The following SLC6A5 variants were observed in gnomAD, a reference collection of about 807,000 sequenced individuals.
The protein encoded by SLC6A5 is solute carrier family 6 member 5.
SLC6A5 carries 58 observed loss-of-function variants against 90.5 expected under a neutral mutation model. The ratio of observed to expected loss-of-function variants is 0.64; its 90% CI spans 0.52 to 0.80. The LOEUF (loss-of-function observed/expected upper bound fraction) is 0.80. Among genes scored for constraint, SLC6A5 ranks in the 30% least tolerant of loss-of-function variants. SLC6A5 has a pLI of 0.00. For synonymous variants in SLC6A5, 427 were observed against 401.4 expected, an observed-to-expected ratio of 1.06 and a Z score of -0.76; for missense variants, 1,015 against 1,017.6, an observed-to-expected ratio of 1.00 and a Z score of 0.03.
At position 20,607,560 on chromosome 11, in the gene SLC6A5, T is replaced by A; in HGVS notation, c.893T>A (p.Leu298Gln). 1.2e-6 allele frequency: 2 copies of A among 1,614,092 alleles called. No individual in the cohort carries two copies. The highest frequency in any genetic ancestry group is 2.2e-5 in the South Asian group (2 of 91,080). Residue 298 changes from leucine (L) to glutamine (Q), a missense_variant, in exon 5 of 16, where the codon CTG becomes CAG. By Grantham distance (113) the Leu-to-Gln change is moderately radical. This residue lies in a region of SLC6A5 where 567 missense variants were observed against 507.3 expected (regional missense o/e 1.12). Coordinates refer to ENST00000525748, the MANE Select transcript of SLC6A5 (RefSeq NM_004211.5). ...NVIICYTLFY[L>Q]FASFVSVLPW... ...ATTATTTGCTATACACTTTTCTACC[T>A]GTTTGCCTCCTTTGTGTCTGTACTA... is the stretch of plus-strand genomic sequence containing the variant.
rs373369824 is a variant in SLC6A5 at position 20,630,751 on chromosome 11, C to T, written c.1560C>T (p.Ile520=). The T allele has an allele frequency of 1.2e-6, 2 of 1,614,240 alleles. No individual in the cohort carries two copies. Residue 520 remains isoleucine (I), a synonymous_variant, in exon 10 of 16, where the codon ATC becomes ATT. Coordinates refer to ENST00000525748, the MANE Select transcript of SLC6A5 (RefSeq NM_004211.5). ...CAAGCATCTTTGCCGGCTTCGTCAT[C>T]TTCTCCGTTATCGGCTTCATGGCCA... ...SATSIFAGFV[I]FSVIGFMANE... is the part of the protein sequence containing the mutation.
intron 5 of SLC6A5, among the ~76,000 whole-genome samples, chr11:20,613,652 CTTT>C (rs3045403): frequency 0.17 from 22,031 of 126,058 alleles, 2,214 homozygotes; most frequent in East Asian, 0.38. Context: ...CTAAATAATT[CTTT>C]TTTTTTTTTT....
intron 10 of SLC6A5, among the ~76,000 whole-genome samples, chr11:20,633,720 C>G (rs891011363): frequency 6.6e-6 from 1 of 152,134 alleles, no homozygotes; most frequent in Admixed American, 6.5e-5. Flanking sequence ...TGTTCTAAGC[C>G]TTTTACTTGT....
At chr11:20,626,597 G>C in intron 7 of SLC6A5, 111 bp from the exon 8 acceptor site, 1 of 1,211,828 alleles carries the variant, frequency 8.3e-7, no homozygotes, top group Non-Finnish European at 1.2e-6. Flanking sequence ...CAACTACCCT[G>C]ATGTGCTCTC....
chr11:20,615,516 T>C lies in SLC6A5; in HGVS notation c.1127+696T>C, dbSNP rs534737137. Among the ~76,000 whole-genome samples the C allele has an allele frequency of 5.3e-3, 809 of 152,190 alleles. 11 individuals are homozygous for C. The highest frequency in any genetic ancestry group is 0.018 in the African/African-American group (766 of 41,552). On this transcript the variant is annotated intron_variant, in intron 6 of 15. Coordinates refer to ENST00000525748, the MANE Select transcript of SLC6A5 (RefSeq NM_004211.5). ...CCGAGGAGCTGGGACTACAGGCGCG[T>C]GCCACCATGCTCGGCTAATTTTTTG... is the stretch of plus-strand genomic sequence containing the variant.
Position 20,622,213 on chromosome 11 carries a change from C to T in SLC6A5, c.1260+4329C>T, listed in dbSNP as rs1468527501. ...TAGCTGTGCAGAAACCTCCAATGCA[C>T]ACCTGTCTCACATTTGAGGCATTCC... is the stretch of plus-strand genomic sequence containing the variant. On this transcript the variant is annotated intron_variant, in intron 7 of 15. Transcript: ENST00000525748. 2.0e-5 allele frequency among the ~76,000 whole-genome samples: 3 copies of T among 152,362 alleles called. No individual in the cohort carries two copies. The East Asian group carries it at 5.8e-4, about 29-fold the overall frequency.
intron 10 of SLC6A5, among the ~76,000 whole-genome samples, chr11:20,632,884 C>T (rs1359921970): frequency 6.6e-6 from 1 of 152,156 alleles, no homozygotes; most frequent in Non-Finnish European, 1.5e-5. Flanking sequence ...CTTTAATGAC[C>T]TAACACTATG....
chr11:20,657,640 C>G lies in SLC6A5; in HGVS notation c.*2772C>G, dbSNP rs1519740. ...TTCCCTTCAAAGTGGGGGAAAAAAC[C>G]GAGTAGCTGAGGAAAGACTTTCATT... On this transcript the variant is annotated 3_prime_UTR_variant, in exon 16 of 16. Coordinates refer to ENST00000525748, the MANE Select transcript of SLC6A5 (RefSeq NM_004211.5). The G allele has an allele frequency of 1.8e-3, 267 of 152,146 alleles. No homozygotes were observed. The highest frequency in any genetic ancestry group is 6.1e-3 in the African/African-American group (254 of 41,502). 9.4% of individuals were successfully genotyped at this position (152,146 alleles called of 1,614,324 possible).
intron 10 of SLC6A5, among the ~76,000 whole-genome samples, chr11:20,635,824 C>T (rs1252557184): frequency 6.6e-6 from 1 of 152,086 alleles, no homozygotes; most frequent in East Asian, 1.9e-4. Context: ...TTGCCTCCAC[C>T]CCACTAGATG....
intron 5 of SLC6A5, among the ~76,000 whole-genome samples, chr11:20,608,067 T>C (rs1269176644): frequency 6.6e-6 from 1 of 152,232 alleles, no homozygotes; most frequent in Non-Finnish European, 1.5e-5. Flanking sequence ...AGATTTGCAT[T>C]TTAAGTAGGT....
chr11:20,646,765 C>T, intron 13 of SLC6A5, 69 bp from the exon 14 acceptor site: 1 of 1,076,050 alleles, frequency 9.3e-7, no homozygotes, highest in East Asian at 2.4e-5. Context: ...GGCTCTAGTG[C>T]CTGCCCTGCC....
In SLC6A5 at chr11:20,601,610, C is replaced by A. The variant is rs1443549; in HGVS notation, c.485C>A (p.Ala162Asp). ...VNMSQSTVVL[A>D]TDGITSVLPG... ...ATGAGCCAGAGCACCGTGGTGCTGGCCACGGATGGAATCACGTCCGTGCTC... is the reference window on the plus strand; with the variant it reads ...ATGAGCCAGAGCACCGTGGTGCTGGACACGGATGGAATCACGTCCGTGCTC... Residue 162 changes from alanine to aspartate, a missense_variant, in exon 2 of 16, where the codon GCC (alanine) becomes GAC (aspartate). Ala to Asp is a moderately radical substitution (Grantham distance 126, BLOSUM62 -2). Coordinates refer to ENST00000525748, the MANE Select transcript of SLC6A5 (RefSeq NM_004211.5). 6.2e-7 allele frequency: 1 copy of A among 1,614,162 alleles called. No individual in the cohort carries two copies. The highest frequency in any genetic ancestry group is 8.5e-7 in the Non-Finnish European group (1 of 1,180,002).
chr11:20,655,670 C>A lies in SLC6A5; in HGVS notation c.*802C>A, dbSNP rs1853628705. 2 of 152,250 alleles carry A rather than the reference C, an allele frequency of 1.3e-5. No individual in the cohort carries two copies. Among genetic ancestry groups the A allele is most frequent in the African/African-American group, 4.8e-5 (2 of 41,450 alleles). The allele number at this position is 152,250 out of a possible 1,614,324, so 9.4% of individuals were successfully genotyped here. A position where few individuals can be genotyped will look rare whatever the true frequency, so the allele number is the denominator to read the frequency against. Reference sequence around the variant, plus strand: ...TGTACGTTCATAGTAGAGCTCCATGCTCATTTCTACATGATATTTAGCACC... The same window carrying A: ...TGTACGTTCATAGTAGAGCTCCATGATCATTTCTACATGATATTTAGCACC... On this transcript the variant is annotated 3_prime_UTR_variant, in exon 16 of 16. Coordinates refer to ENST00000525748, the MANE Select transcript of SLC6A5 (RefSeq NM_004211.5).
rs751372747 is a variant in SLC6A5 at position 20,601,505 on chromosome 11, G to A, written c.380G>A (p.Gly127Asp). 3.1e-6 allele frequency: 5 copies of A among 1,613,916 alleles called. No individual in the cohort carries two copies. In the African/African-American group the frequency reaches 6.7e-5, roughly 22 times the overall value. Residue 127 changes from glycine to aspartate, a missense_variant, in exon 2 of 16, where the codon GGC becomes GAC. By Grantham distance (94) the Gly-to-Asp change is moderately conservative. This residue lies in a region of SLC6A5 where 567 missense variants were observed against 507.3 expected (regional missense o/e 1.12). Transcript: ENST00000525748. ...CACTGTAAGATCCCTTTTCTGCGAG[G>A]CCCGGAGGGGGATGCGAACGTGAGT... ...ALHCKIPFLR[G>D]PEGDANVSVG...
chr11:20,635,114 T>C (rs921045560), intron 10 of SLC6A5, among the ~76,000 whole-genome samples: 1 of 152,074 alleles, frequency 6.6e-6, no homozygotes, highest in African/African-American at 2.4e-5. Flanking sequence ...ACCGCTAACT[T>C]CCAAGTTCAT....
At chr11:20,629,336 C>T (rs527723388) in intron 9 of SLC6A5, 1 of 152,336 alleles carries the variant, frequency 6.6e-6, no homozygotes, top group East Asian at 1.9e-4. Context: ...TCTCTTCCCT[C>T]ACACATAGTT....
intron 15 of SLC6A5, among the ~76,000 whole-genome samples, chr11:20,653,112 T>G (rs762171893): frequency 6.6e-6 from 1 of 152,160 alleles, no homozygotes; most frequent in Non-Finnish European, 1.5e-5. Flanking sequence ...GTGCCACCAG[T>G]GAAGTGTGGT....
In SLC6A5 at chr11:20,600,399, G is replaced by GAAGAAGAAGAAGAAGAA. The variant is rs1182102601; in HGVS notation, c.4-717_4-716insAGAAAAGAAGAAGAAGA. Among the ~76,000 whole-genome samples the GAAGAAGAAGAAGAAGAA allele has an allele frequency of 4.2e-3, 584 of 139,146 alleles. 18 individuals carry two copies. The highest frequency in any genetic ancestry group is 0.015 in the African/African-American group (549 of 37,732). 91.3% of individuals were successfully genotyped at this position (139,146 alleles called of 152,430 possible). ...AGAAGAAGAAGAAGAAGAAGAAGAAGAAGAAGAAGAAGACCTAAACAAAAG... is the reference window on the plus strand; with the variant it reads ...AGAAGAAGAAGAAGAAGAAGAAGAAGAAGAAGAAGAAGAAGAAAAGAAGAAGAAGACCTAAACAAAAG... On this transcript the variant is annotated intron_variant, in intron 1 of 15. Transcript: ENST00000525748.
chr11:20,651,050 A>C (rs1310898984), intron 14 of SLC6A5, among the ~76,000 whole-genome samples: 1 of 152,094 alleles, frequency 6.6e-6, no homozygotes, highest in Non-Finnish European at 1.5e-5. Context: ...CCAAGCTTCC[A>C]GCTCAGTCAC....
Sources: allele counts gnomAD v4.1 joint callset (sites outside exome capture counted in the v4.1 genomes callset), GRCh38; gene constraint gnomAD v4.1.1; regional missense constraint gnomAD v4.1.1; transcripts MANE v1.5; gene names NCBI Gene and HGNC (gene_info 2026-07-23, HGNC 2026-07-21).